Variants in SLC4A10 observed in about 807,000 individuals in gnomAD.
SLC4A10 encodes the protein solute carrier family 4 member 10.
SLC4A10 carries 42 observed loss-of-function variants against 137.7 expected under a neutral mutation model. The observed-to-expected ratio is 0.30, with a 90% CI of 0.24 to 0.39. SLC4A10 has a LOEUF of 0.39. SLC4A10 is among the 10% of genes least tolerant of loss of function. The pLI, the probability that SLC4A10 is intolerant of heterozygous loss-of-function variation, is 1.00. For synonymous variants in SLC4A10, 474 were observed against 464.1 expected, an observed-to-expected ratio of 1.02 and a Z score of -0.27; for missense variants, 925 against 1,355.0, an observed-to-expected ratio of 0.68 and a Z score of 4.98.
intron 1 of SLC4A10, among the ~76,000 whole-genome samples, chr2:161,750,345 T>G (rs1235869764): frequency 6.6e-6 from 1 of 151,844 alleles, no homozygotes; most frequent in Non-Finnish European, 1.5e-5. Context: ...TAGGTTCATT[T>G]GAGATCTTTC....
rs1699021239 is a variant in SLC4A10 at position 161,974,240 on chromosome 2, T to C, written c.3160-9T>C. 2 of 1,596,276 alleles carry C rather than the reference T, an allele frequency of 1.3e-6. No homozygotes were observed. The highest frequency in any genetic ancestry group is 2.7e-5 in the African/African-American group (2 of 74,634). On this transcript the variant is annotated splice_polypyrimidine_tract_variant and intron_variant, in intron 23 of 26. Transcript: ENST00000446997. The stretch of plus-strand genomic sequence containing the variant: ...GTTCACTTTATATACTTTACATTTG[T>C]CTTTTCAGGAAGAACAAAGTATGCT...
At chr2:161,735,144 ATT>A (rs1179176687) in intron 1 of SLC4A10, among the ~76,000 whole-genome samples, 1 of 148,528 alleles carries the variant, frequency 6.7e-6, no homozygotes, top group Non-Finnish European at 1.5e-5. Flanking sequence ...AAATATATAT[ATT>A]ATACATATAT....
intron 15 of SLC4A10, among the ~76,000 whole-genome samples, chr2:161,916,186 T>G (rs1687078489): frequency 6.6e-6 from 1 of 152,194 alleles, no homozygotes; most frequent in Non-Finnish European, 1.5e-5. Flanking sequence ...ACTAATACAT[T>G]GAATAAATGT....
At chr2:161,922,695 G>C (rs2105516268) in intron 15 of SLC4A10, among the ~76,000 whole-genome samples, 2 of 152,250 alleles carry the variant, frequency 1.3e-5, no homozygotes, top group South Asian at 4.1e-4. Context: ...AAGACTATGA[G>C]AGATACCTTT....
At chr2:161,759,075 C>A (rs989896469) in intron 1 of SLC4A10, among the ~76,000 whole-genome samples, 5 of 151,876 alleles carry the variant, frequency 3.3e-5, no homozygotes, top group African/African-American at 1.2e-4. Context: ...TTAGATATCC[C>A]TTCTGGGATC....
At chr2:161,765,940 TA>T (rs1201017141) in intron 1 of SLC4A10, among the ~76,000 whole-genome samples, 1 of 152,108 alleles carries the variant, frequency 6.6e-6, no homozygotes, top group South Asian at 2.1e-4. Flanking sequence ...AATGCTCTAT[TA>T]AAAAGTTTTG....
intron 3 of SLC4A10, among the ~76,000 whole-genome samples, chr2:161,829,514 G>A (rs191363183): frequency 6.6e-6 from 1 of 152,072 alleles, no homozygotes. Flanking sequence ...TGGCTAATAA[G>A]ATAGCAAAAT....
intron 1 of SLC4A10, among the ~76,000 whole-genome samples, chr2:161,731,235 C>G (rs1458131314): frequency 2.0e-5 from 3 of 152,076 alleles, no homozygotes; most frequent in Non-Finnish European, 4.4e-5. Flanking sequence ...TATCTGACTT[C>G]ATGGGTTCAG....
chr2:161,660,432 G>C (rs531994568), intron 1 of SLC4A10, among the ~76,000 whole-genome samples: 9 of 152,314 alleles, frequency 5.9e-5, no homozygotes, highest in Non-Finnish European at 1.3e-4. Context: ...GTAAGAACAA[G>C]TGGGAGTATA....
intron 1 of SLC4A10, among the ~76,000 whole-genome samples, chr2:161,690,507 A>G (rs2041868827): frequency 6.6e-6 from 1 of 152,196 alleles, no homozygotes; most frequent in African/African-American, 2.4e-5. Flanking sequence ...TGTTCATTAC[A>G]GCACTATTCA....
intron 6 of SLC4A10, among the ~76,000 whole-genome samples, chr2:161,863,428 T>C (rs990650852): frequency 6.6e-6 from 1 of 152,234 alleles, no homozygotes; most frequent in Non-Finnish European, 1.5e-5. Context: ...ACGCCATAGA[T>C]GGTCTTTTAG....
intron 21 of SLC4A10, among the ~76,000 whole-genome samples, chr2:161,961,517 G>A (rs950700278): frequency 3.3e-5 from 5 of 150,652 alleles, no homozygotes; most frequent in African/African-American, 1.2e-4. Context: ...GAATATGGAA[G>A]AGGTTTTGTT....
chr2:161,961,208 C>CA (rs1342127460), intron 21 of SLC4A10, among the ~76,000 whole-genome samples: 1 of 152,182 alleles, frequency 6.6e-6, no homozygotes, highest in African/African-American at 2.4e-5. Flanking sequence ...TGTTCCTGAG[C>CA]AAATGACTAA....
chr2:161,722,827 C>T (rs72877304), intron 1 of SLC4A10, among the ~76,000 whole-genome samples: 1,894 of 152,322 alleles, frequency 0.012, 23 homozygotes, highest in Middle Eastern at 0.031. Context: ...CACAGGGCCT[C>T]CATCCCAGGG....
At position 161,829,398 on chromosome 2, in the gene SLC4A10, C is replaced by T. The variant is rs1427805254; in HGVS notation, c.278-10391C>T. Among the ~76,000 whole-genome samples the T allele has an allele frequency of 5.9e-5, 9 of 152,174 alleles. No homozygotes were observed. In the South Asian group the frequency reaches 1.5e-3, roughly 25 times the overall value. ...CAGTATGTTGTTTTTTTAAAAGATA[C>T]TTTATTTGCTCAATAAATCTAGGAA... is the stretch of plus-strand genomic sequence containing the variant. On this transcript the variant is annotated intron_variant, in intron 3 of 26. Coordinates refer to ENST00000446997, the MANE Select transcript of SLC4A10 (RefSeq NM_001178015.2).
At chr2:161,643,654 C>T (rs535458730) in intron 1 of SLC4A10, among the ~76,000 whole-genome samples, 2 of 152,242 alleles carry the variant, frequency 1.3e-5, no homozygotes, top group African/African-American at 4.8e-5. Context: ...CTGGTAACTA[C>T]ATTTGGTTCT....
intron 19 of SLC4A10, among the ~76,000 whole-genome samples, chr2:161,956,304 T>C (rs1351982781): frequency 6.6e-6 from 1 of 152,216 alleles, no homozygotes; most frequent in Non-Finnish European, 1.5e-5. Context: ...TTGGTTGAGC[T>C]AGCATTTCAT....
intron 3 of SLC4A10, among the ~76,000 whole-genome samples, chr2:161,809,044 A>G (rs2056294966): frequency 6.6e-6 from 1 of 152,152 alleles, no homozygotes; most frequent in African/African-American, 2.4e-5. Context: ...GTGTATAAGC[A>G]TTCCGTTTTC....
At chr2:161,859,639 C>G (rs1575324509) in intron 5 of SLC4A10, among the ~76,000 whole-genome samples, 1 of 79,608 alleles carries the variant, frequency 1.3e-5, no homozygotes, top group South Asian at 4.2e-4. Flanking sequence ...CTTGCTTTGT[C>G]TCCCAGGCTG....
Sources: allele counts gnomAD v4.1 joint callset (sites outside exome capture counted in the v4.1 genomes callset), GRCh38; gene constraint gnomAD v4.1.1; transcripts MANE v1.5; gene names NCBI Gene and HGNC (gene_info 2026-07-23, HGNC 2026-07-21).